DAB2IP: variants seen among roughly 807,000 people sequenced by gnomAD.
DAB2IP encodes disabled homolog 2-interacting protein.
DAB2IP carries 28 observed loss-of-function variants against 107.2 expected under a neutral mutation model. That is an observed-to-expected ratio of 0.26 (90% CI 0.19 to 0.36). The LOEUF (loss-of-function observed/expected upper bound fraction) is 0.36, where lower values mean the gene tolerates loss of function less well. Ranked by LOEUF, DAB2IP falls within the 10% of genes least tolerant of loss-of-function variation. The pLI is 1.00. For missense variants in DAB2IP, 1,400 were observed against 1,644.7 expected (o/e 0.85, Z 2.57); for synonymous variants, 755 against 706.4 (o/e 1.07, Z -1.09).
At position 121,592,758 on chromosome 9, in the gene DAB2IP, T is replaced by G. The variant is rs1830442443; in HGVS notation, c.40+25530T>G. Among the ~76,000 whole-genome samples, 3 of 152,172 alleles carry G rather than the reference T, an allele frequency of 2.0e-5. No homozygotes were observed. The South Asian group carries it at 6.2e-4, about 31-fold the overall frequency. Reference sequence around the variant, plus strand: ...TTGCAGATATAGTGCAGACGATGCCTTTGGCAAATCACTCCAGACACATCC... The same window carrying G: ...TTGCAGATATAGTGCAGACGATGCCGTTGGCAAATCACTCCAGACACATCC... On this transcript the variant is annotated intron_variant, in intron 1 of 16. Transcript: ENST00000259371.
intron 3 of DAB2IP, among the ~76,000 whole-genome samples, chr9:121,734,326 G>C (rs993486601): frequency 7.1e-6 from 1 of 140,252 alleles, no homozygotes; most frequent in Non-Finnish European, 1.5e-5. Context: ...GCAGTGAGCC[G>C]AGATTGCGCC....
At chr9:121,590,631 A>G (rs1386508385) in intron 1 of DAB2IP, among the ~76,000 whole-genome samples, 2 of 152,194 alleles carry the variant, frequency 1.3e-5, no homozygotes, top group African/African-American at 2.4e-5. Flanking sequence ...GCATCTGGCA[A>G]AGCACTCAAA....
At chr9:121,780,645 G>C (rs1835546659) in intron 14 of DAB2IP, among the ~76,000 whole-genome samples, 1 of 152,188 alleles carries the variant, frequency 6.6e-6, no homozygotes, top group Non-Finnish European at 1.5e-5. Context: ...CTAGGAGACA[G>C]GCAGACCCAG....
intron 1 of DAB2IP, among the ~76,000 whole-genome samples, chr9:121,630,575 G>A (rs113692313): frequency 0.13 from 19,216 of 148,988 alleles, 1,513 homozygotes; most frequent in East Asian, 0.31. Flanking sequence ...CACCACACCC[G>A]GCTAATTTTT....
chr9:121,766,550 G>C lies in DAB2IP; in HGVS notation c.1517G>C (p.Ser506Thr), dbSNP rs1453994333. 9 of 1,612,738 alleles carry C rather than the reference G, an allele frequency of 5.6e-6. No individual in the cohort carries two copies. The highest frequency in any genetic ancestry group is 1.7e-5 in the Admixed American group (1 of 60,008). ...GCCTCGTGGAGGCAGGAGTGCAGCA[G>C]TCGCGGCCGCCCGGACATCAGTGAG... is the stretch of plus-strand genomic sequence containing the variant. Residue 506 changes from serine (S) to threonine (T), a missense_variant, in exon 9 of 16, where the codon AGT becomes ACT. This residue lies in a region of DAB2IP where 517 missense variants were observed against 748.6 expected (regional missense o/e 0.69). Transcript: ENST00000408936.
intron 3 of DAB2IP, among the ~76,000 whole-genome samples, chr9:121,716,316 G>C (rs1345449340): frequency 1.3e-5 from 2 of 152,220 alleles, no homozygotes; most frequent in African/African-American, 4.8e-5. Flanking sequence ...GGCAGAGCCT[G>C]GTGCTCAGCT....
intron 9 of DAB2IP, among the ~76,000 whole-genome samples, 185 bp from the exon 10 acceptor site, chr9:121,768,247 T>C (rs56100869): frequency 0.01 from 1,542 of 152,238 alleles, 38 homozygotes; most frequent in African/African-American, 0.036. Flanking sequence ...AAAGGATCGC[T>C]GGACTTACCA....
chr9:121,621,779 T>A (rs1003536658), intron 1 of DAB2IP, among the ~76,000 whole-genome samples: 4 of 148,720 alleles, frequency 2.7e-5, no homozygotes, highest in South Asian at 4.3e-4. Flanking sequence ...CCCAAGTAGG[T>A]GGGATTATAA....
chr9:121,619,022 G>T (rs1284634100), intron 1 of DAB2IP, among the ~76,000 whole-genome samples: 3 of 152,200 alleles, frequency 2.0e-5, no homozygotes, highest in Non-Finnish European at 4.4e-5. Flanking sequence ...TTTCTGACCG[G>T]CTGTGATTCC....
At chr9:121,717,932 G>A (rs370019650) in intron 3 of DAB2IP, among the ~76,000 whole-genome samples, 2 of 152,168 alleles carry the variant, frequency 1.3e-5, no homozygotes, top group Non-Finnish European at 2.9e-5. Context: ...TTTGGGCCGC[G>A]TTATGACAGT....
chr9:121,717,700 G>A (rs74826980), intron 3 of DAB2IP, among the ~76,000 whole-genome samples: 6,428 of 152,296 alleles, frequency 0.042, 277 homozygotes, highest in African/African-American at 0.1. Context: ...GAGGAGGCCC[G>A]GGTGAGAGTC....
At chr9:121,775,758 T>C (rs886590305) in intron 13 of DAB2IP, among the ~76,000 whole-genome samples, 1 of 152,224 alleles carries the variant, frequency 6.6e-6, no homozygotes. Flanking sequence ...CTTACCCTGC[T>C]AGTCAGTCGC....
At chr9:121,711,313 G>C (rs981747644) in intron 3 of DAB2IP, among the ~76,000 whole-genome samples, 4 of 152,200 alleles carry the variant, frequency 2.6e-5, no homozygotes, top group Admixed American at 6.5e-5. Flanking sequence ...CAGTGTCAGA[G>C]GTTCTTGGAG....
chr9:121,711,655 G>A, intron 3 of DAB2IP, among the ~76,000 whole-genome samples: 1 of 152,184 alleles, frequency 6.6e-6, no homozygotes, highest in Admixed American at 6.5e-5. Context: ...GCAGGAGTAA[G>A]CCTTGAATGA....
chr9:121,713,479 A>T (rs1830434504), intron 3 of DAB2IP, among the ~76,000 whole-genome samples: 1 of 152,038 alleles, frequency 6.6e-6, no homozygotes, highest in Non-Finnish European at 1.5e-5. Context: ...TTATCACACC[A>T]TTCCCGACTC....
intron 1 of DAB2IP, among the ~76,000 whole-genome samples, chr9:121,658,070 C>T (rs1833042572): frequency 6.6e-6 from 1 of 152,180 alleles, no homozygotes; most frequent in African/African-American, 2.4e-5. Flanking sequence ...ACTGAAGTGC[C>T]TGGGCTCCTG....
chr9:121,673,758 G>A (rs1021221081), intron 1 of DAB2IP, among the ~76,000 whole-genome samples: 17 of 152,114 alleles, frequency 1.1e-4, no homozygotes, highest in Non-Finnish European at 2.1e-4. Flanking sequence ...GAAGGTGTGT[G>A]GGGTGTCAGG....
exon 11 of DAB2IP, chr9:121,770,714 G>T: frequency 9.9e-6 from 16 of 1,613,994 alleles, no homozygotes; most frequent in Non-Finnish European, 1.4e-5. Flanking sequence ...GATTGAGAAC[G>T]ATCTTTCCGG....
At chr9:121,567,123 A>G (rs1829820352) in exon 1 of DAB2IP, 1 of 1,605,182 alleles carries the variant, frequency 6.2e-7, no homozygotes, top group South Asian at 1.1e-5. Flanking sequence ...GGAGGAACCC[A>G]GACGCTCATG....
Sources: allele counts gnomAD v4.1 joint callset (sites outside exome capture counted in the v4.1 genomes callset), GRCh38; gene constraint gnomAD v4.1.1; regional missense constraint gnomAD v4.1.1; transcripts MANE v1.5; gene names NCBI Gene and HGNC (gene_info 2026-07-23, HGNC 2026-07-21).